The following KIF6 variants were observed in gnomAD, a reference collection of about 807,000 sequenced individuals.
The protein encoded by KIF6 is kinesin family member 6.
In KIF6, 106 loss-of-function variants were observed where a neutral mutation model predicts 112.7. That is an observed-to-expected ratio of 0.94 (90% CI 0.80 to 1.11). KIF6 has a LOEUF of 1.11. KIF6 is among the 50% of genes least tolerant of loss of function. The probability of loss-of-function intolerance (pLI) is 0.00; values close to 1 mark genes in which losing one functional copy is unlikely to be tolerated. For synonymous variants in KIF6, 339 were observed against 339.9 expected (o/e 1.00, Z 0.03); for missense variants, 929 against 964.0 (o/e 0.96, Z 0.48).
rs559252086 is a variant in KIF6 at position 39,648,962 on chromosome 6, C to A, written c.252-9205G>T. 2.0e-5 allele frequency among the ~76,000 whole-genome samples: 3 copies of A among 150,988 alleles called. No individual in the cohort carries two copies. In the South Asian group the frequency reaches 6.3e-4, roughly 32 times the overall value. Reference sequence around the variant, plus strand: ...ATTGCTTCAGCCCAGGAGTTTGAGACCAGCCTGGTCAACATAGCAAGACCC... The same window carrying A: ...ATTGCTTCAGCCCAGGAGTTTGAGAACAGCCTGGTCAACATAGCAAGACCC... On this transcript the variant is annotated intron_variant, in intron 3 of 22. Coordinates refer to ENST00000287152, the MANE Select transcript of KIF6 (RefSeq NM_145027.6).
chr6:39,429,638 A>T (rs150687328), intron 14 of KIF6, among the ~76,000 whole-genome samples: 10 of 152,284 alleles, frequency 6.6e-5, no homozygotes, highest in African/African-American at 1.9e-4. Context: ...GGCCAGGCGC[A>T]GTGGCTCATG....
At chr6:39,424,858 T>C (rs1348884172) in intron 14 of KIF6, among the ~76,000 whole-genome samples, 1 of 152,218 alleles carries the variant, frequency 6.6e-6, no homozygotes, top group Non-Finnish European at 1.5e-5. Flanking sequence ...AAAGGATCTC[T>C]GCAAGTCAAT....
At position 39,343,225 on chromosome 6, in the gene KIF6, T is replaced by C; in HGVS notation, c.2428+484A>G. On this transcript the variant is annotated intron_variant, in intron 22 of 22. Coordinates refer to ENST00000287152, the MANE Select transcript of KIF6 (RefSeq NM_145027.6). The surrounding 1 kb of genome is among the most constrained non-coding windows in gnomAD (Gnocchi z 4.1). ...TGTCTGACACGCCACTCTTACTTCCTCTGTGATTGTTATGGTGTCCTCGGG... is the reference window on the plus strand; with the variant it reads ...TGTCTGACACGCCACTCTTACTTCCCCTGTGATTGTTATGGTGTCCTCGGG... 8.1e-7 allele frequency: 1 copy of C among 1,236,036 alleles called. No individual in the cohort carries two copies. Among genetic ancestry groups the C allele is most frequent in the Non-Finnish European group, 1.0e-6 (1 of 965,524 alleles). The allele number at this position is 1,236,036 out of a possible 1,614,324, so 76.6% of individuals were successfully genotyped here. A position where few individuals can be genotyped will look rare whatever the true frequency, so the allele number is the denominator to read the frequency against.
At chr6:39,603,665 G>A (rs537971951) in intron 6 of KIF6, among the ~76,000 whole-genome samples, 1 of 151,646 alleles carries the variant, frequency 6.6e-6, no homozygotes, top group East Asian at 1.9e-4. Flanking sequence ...AATTTCTTGA[G>A]GTTTACATAA....
intron 3 of KIF6, among the ~76,000 whole-genome samples, chr6:39,678,283 C>G (rs918122436): frequency 1.3e-5 from 2 of 151,940 alleles, no homozygotes; most frequent in Non-Finnish European, 2.9e-5. Flanking sequence ...ACCATTTGAC[C>G]CAGCCATCCC....
intron 7 of KIF6, among the ~76,000 whole-genome samples, chr6:39,590,595 GCATGCAGCAC>G (rs999069881): frequency 4.6e-5 from 7 of 151,718 alleles, no homozygotes; most frequent in African/African-American, 1.7e-4. Flanking sequence ...GGGATTATAG[GCATGCAGCAC>G]CATGCCCAAC....
At chr6:39,381,498 C>A (rs1205069156) in intron 16 of KIF6, among the ~76,000 whole-genome samples, 1 of 152,176 alleles carries the variant, frequency 6.6e-6, no homozygotes, top group East Asian at 1.9e-4. Context: ...TCCAAATACA[C>A]CGAGTAGGCT....
intron 9 of KIF6, among the ~76,000 whole-genome samples, chr6:39,581,204 G>T (rs775903188): frequency 1.2e-3 from 69 of 57,056 alleles, no homozygotes; most frequent in East Asian, 1.5e-3. Flanking sequence ...TTTTGCTCTT[G>T]TTGCCCAGGC....
intron 13 of KIF6, among the ~76,000 whole-genome samples, chr6:39,505,816 C>T (rs936274711): frequency 2.0e-5 from 3 of 152,170 alleles, no homozygotes; most frequent in Non-Finnish European, 4.4e-5. Context: ...CCATCTTACA[C>T]CAGTCAGAAT....
intron 3 of KIF6, among the ~76,000 whole-genome samples, chr6:39,664,460 A>G (rs1405996180): frequency 6.6e-6 from 1 of 152,242 alleles, no homozygotes; most frequent in Non-Finnish European, 1.5e-5. Context: ...AGATATTTCT[A>G]AATAAATTCG....
chr6:39,421,111 C>T (rs4714251), intron 14 of KIF6, among the ~76,000 whole-genome samples: 15,105 of 152,200 alleles, frequency 0.099, 977 homozygotes, highest in East Asian at 0.23. Context: ...TGAAAGCAAG[C>T]ACCTAATAGA....
chr6:39,590,453 T>TA (rs1781885450), intron 7 of KIF6, among the ~76,000 whole-genome samples: 34 of 119,270 alleles, frequency 2.9e-4, no homozygotes, highest in Admixed American at 5.3e-4. Context: ...ATATATATAT[T>TA]TTTTTTTTTT....
chr6:39,489,701 A>G (rs1261249010), intron 13 of KIF6, among the ~76,000 whole-genome samples: 1 of 152,166 alleles, frequency 6.6e-6, no homozygotes, highest in African/African-American at 2.4e-5. Flanking sequence ...GCTATGTGAC[A>G]AGGGGTAGGA....
chr6:39,548,137 C>T (rs1264729504), intron 10 of KIF6, among the ~76,000 whole-genome samples: 2 of 152,170 alleles, frequency 1.3e-5, no homozygotes, highest in South Asian at 2.1e-4. Context: ...ATTCTTTCTT[C>T]TTGCTTTTTC....
chr6:39,551,300 C>T (rs1036757019), intron 10 of KIF6, among the ~76,000 whole-genome samples: 1 of 152,020 alleles, frequency 6.6e-6, no homozygotes, highest in African/African-American at 2.4e-5. Flanking sequence ...AAAATTAACT[C>T]ATGGAGATAA....
At position 39,342,900 on chromosome 6, in the gene KIF6, T is replaced by C; in HGVS notation, c.2428+809A>G. 1 of 985,340 alleles carries C rather than the reference T, an allele frequency of 1.0e-6. No individual in the cohort carries two copies. The highest frequency in any genetic ancestry group is 1.2e-6 in the Non-Finnish European group (1 of 829,916). 61.0% of individuals were successfully genotyped at this position (985,340 alleles called of 1,614,324 possible). A position where few individuals can be genotyped will look rare whatever the true frequency, so the allele number is the denominator to read the frequency against. On this transcript the variant is annotated intron_variant, in intron 22 of 22. Transcript: ENST00000287152. This position sits in a 1 kb window ranked among gnomAD's most constrained non-coding sequence, Gnocchi z 4.7. Reference sequence around the variant, plus strand: ...GAGTGCAGGCGCCACAGGGCAGGCATCAGTCATTATACATCGAATCTGCCA... The same window carrying C: ...GAGTGCAGGCGCCACAGGGCAGGCACCAGTCATTATACATCGAATCTGCCA...
At chr6:39,347,991 C>T (rs1178214273) in intron 19 of KIF6, among the ~76,000 whole-genome samples, 2 of 152,322 alleles carry the variant, frequency 1.3e-5, no homozygotes, top group Non-Finnish European at 2.9e-5. Flanking sequence ...CTAGTGAGGA[C>T]CGATGTAGGA....
At position 39,720,733 on chromosome 6, in the gene KIF6, C is replaced by G. The variant is rs374296037; in HGVS notation, c.145G>C (p.Val49Leu). ...ILPRDLADGF[V>L]NNKRESYKFK... ...TTGTAGCTTTCTCGCTTATTATTCA[C>G]AAACCCATCTGCCAAATCACGTGGT... Residue 49 changes from valine (V) to leucine (L), a missense_variant, in exon 2 of 23, where the codon GTG becomes CTG. Transcript: ENST00000287152. 7.5e-6 allele frequency: 12 copies of G among 1,606,414 alleles called. No homozygotes were observed. In the African/African-American group the frequency reaches 1.1e-4, roughly 14 times the overall value.
At chr6:39,364,344 C>T (rs1333360518) in intron 16 of KIF6, among the ~76,000 whole-genome samples, 2 of 152,098 alleles carry the variant, frequency 1.3e-5, no homozygotes, top group Non-Finnish European at 2.9e-5. Flanking sequence ...TGGTCTCGAT[C>T]TCTTGACCTC....
Sources: allele counts gnomAD v4.1 joint callset (sites outside exome capture counted in the v4.1 genomes callset), GRCh38; gene constraint gnomAD v4.1.1; non-coding constraint Gnocchi (gnomAD v3.1); transcripts MANE v1.5; gene names NCBI Gene and HGNC (gene_info 2026-07-23, HGNC 2026-07-21).